STAU2: variants seen among roughly 807,000 people sequenced by gnomAD.
STAU2 encodes double-stranded RNA-binding protein Staufen homolog 2.
A neutral mutation model predicts 65.9 loss-of-function variants in STAU2; 20 were observed. That is an observed-to-expected ratio of 0.30 (90% CI 0.21 to 0.44). The LOEUF (loss-of-function observed/expected upper bound fraction) is 0.44. STAU2 is among the 20% of genes least tolerant of loss of function. The probability of loss-of-function intolerance (pLI) is 1.00; values close to 1 mark genes in which losing one functional copy is unlikely to be tolerated. For missense variants in STAU2, 558 were observed against 683.9 expected (o/e 0.82, Z 2.05); for synonymous variants, 232 against 233.9 (o/e 0.99, Z 0.07).
At chr8:73,568,608 CAA>C (rs11335188) in intron 12 of STAU2, among the ~76,000 whole-genome samples, 13 of 149,658 alleles carry the variant, frequency 8.7e-5, no homozygotes, top group Non-Finnish European at 8.9e-5. Flanking sequence ...GACCCTATCT[CAA>C]AAAAAAAAAG....
chr8:73,663,313 T>C (rs1003293821), intron 6 of STAU2, among the ~76,000 whole-genome samples: 13 of 152,168 alleles, frequency 8.5e-5, no homozygotes, highest in Non-Finnish European at 1.9e-4. Context: ...ATTTTTGATG[T>C]TTTTCCAACC....
intron 10 of STAU2, among the ~76,000 whole-genome samples, chr8:73,596,820 C>T (rs548138269): frequency 6.6e-6 from 1 of 151,618 alleles, no homozygotes; most frequent in African/African-American, 2.4e-5. Context: ...CCACACTGCA[C>T]CCTGGGCAAC....
At chr8:73,664,299 C>T (rs993208681) in intron 6 of STAU2, among the ~76,000 whole-genome samples, 2 of 152,194 alleles carry the variant, frequency 1.3e-5, no homozygotes, top group Non-Finnish European at 2.9e-5. Context: ...GCTGGGATTA[C>T]AGGCATGAGC....
chr8:73,608,931 C>T (rs1282702731), intron 9 of STAU2, among the ~76,000 whole-genome samples: 1 of 151,944 alleles, frequency 6.6e-6, no homozygotes, highest in South Asian at 2.1e-4. Context: ...TGAGCCGAGA[C>T]AGTGCCATTG....
intron 4 of STAU2, among the ~76,000 whole-genome samples, chr8:73,690,691 G>T (rs148078489): frequency 6.6e-6 from 1 of 152,044 alleles, no homozygotes; most frequent in Non-Finnish European, 1.5e-5. Context: ...ATAAATTAAC[G>T]ATCGGTGAAT....
Position 73,655,639 on chromosome 8 carries a change from CTTT to C in STAU2, c.410+17465_410+17467del, listed in dbSNP as rs71269930. Among the ~76,000 whole-genome samples the C allele has an allele frequency of 8.7e-4, 91 of 104,752 alleles. 1 individual carries two copies. The highest frequency in any genetic ancestry group is 2.4e-3 in the African/African-American group (61 of 25,246). The allele number at this position is 104,752 out of a possible 152,430, so 68.7% of individuals were successfully genotyped here. On this transcript the variant is annotated intron_variant, in intron 6 of 14. Coordinates refer to ENST00000524300, the MANE Select transcript of STAU2 (RefSeq NM_001164380.2). Reference sequence around the variant, plus strand: ...AACAAATATTATAATTTTAATACATCTTTTTTTTTTTTTTTTTTTTTTTTTTGG... The same window carrying C: ...AACAAATATTATAATTTTAATACATCTTTTTTTTTTTTTTTTTTTTTTTGG...
chr8:73,628,304 T>A (rs1237195111), intron 6 of STAU2, among the ~76,000 whole-genome samples: 2 of 152,006 alleles, frequency 1.3e-5, no homozygotes, highest in African/African-American at 4.8e-5. Context: ...ATTCCTGGGC[T>A]AAAGCAATCC....
Position 73,420,482 on chromosome 8 carries a change from T to C in STAU2, c.*890A>G. 3.7e-6 allele frequency: 1 copy of C among 269,628 alleles called. No individual in the cohort carries two copies. Among genetic ancestry groups the C allele is most frequent in the Non-Finnish European group, 7.5e-6 (1 of 132,608 alleles). 16.7% of individuals were successfully genotyped at this position (269,628 alleles called of 1,614,324 possible). On this transcript the variant is annotated 3_prime_UTR_variant, in exon 15 of 15. Coordinates refer to ENST00000524300, the MANE Select transcript of STAU2 (RefSeq NM_001164380.2). ...CTCCAACAGGTTTTTCCCTTCCCCGTCATGTACATTATTTATTTTTGATCC... is the reference window on the plus strand; with the variant it reads ...CTCCAACAGGTTTTTCCCTTCCCCGCCATGTACATTATTTATTTTTGATCC...
intron 10 of STAU2, among the ~76,000 whole-genome samples, chr8:73,601,913 G>A (rs920505586): frequency 1.3e-5 from 2 of 152,068 alleles, no homozygotes; most frequent in African/African-American, 4.8e-5. Context: ...ATATGTTCCA[G>A]AATTCTTCAA....
At chr8:73,424,365 T>TAA (rs1294792848) in intron 13 of STAU2, among the ~76,000 whole-genome samples, 1 of 151,914 alleles carries the variant, frequency 6.6e-6, no homozygotes, top group Non-Finnish European at 1.5e-5. Flanking sequence ...CACACCCAGC[T>TAA]AATTTTTGTA....
intron 13 of STAU2, among the ~76,000 whole-genome samples, chr8:73,513,882 G>A (rs1211957167): frequency 1.3e-5 from 2 of 152,152 alleles, no homozygotes; most frequent in Non-Finnish European, 2.9e-5. Flanking sequence ...GAACTATTGT[G>A]CTGAGTCTGC....
At chr8:73,665,477 G>C (rs941715626) in intron 6 of STAU2, among the ~76,000 whole-genome samples, 1 of 152,130 alleles carries the variant, frequency 6.6e-6, no homozygotes. Context: ...ATTTAATGTT[G>C]TATACTTGGA....
At chr8:73,680,246 A>G (rs1259851539) in intron 5 of STAU2, among the ~76,000 whole-genome samples, 1 of 152,016 alleles carries the variant, frequency 6.6e-6, no homozygotes, top group Non-Finnish European at 1.5e-5. Context: ...AAGGCCTGAA[A>G]GCCCTGCTTG....
intron 13 of STAU2, among the ~76,000 whole-genome samples, chr8:73,523,804 C>A (rs1823194503): frequency 6.6e-6 from 1 of 152,098 alleles, no homozygotes; most frequent in Admixed American, 6.6e-5. Context: ...TGGAGGGGGC[C>A]AAATCATAGG....
chr8:73,654,637 C>CAAAAAAAAAAAAAAAAAAAAAAAAAAA (rs71269928), intron 6 of STAU2, among the ~76,000 whole-genome samples: 6 of 26,306 alleles, frequency 2.3e-4, no homozygotes, highest in Non-Finnish European at 3.3e-4. Context: ...AAGATTGTCT[C>CAAAAAAAAAAAAAAAAAAAAAAAAAAA]AAAAAAAAAA....
At chr8:73,536,690 T>C (rs1322574039) in intron 13 of STAU2, among the ~76,000 whole-genome samples, 1 of 152,074 alleles carries the variant, frequency 6.6e-6, no homozygotes, top group Non-Finnish European at 1.5e-5. Context: ...AATAGAGGCA[T>C]GGTGGAAGGT....
At chr8:73,454,057 A>T (rs1818937733) in intron 13 of STAU2, among the ~76,000 whole-genome samples, 1 of 148,156 alleles carries the variant, frequency 6.7e-6, no homozygotes, top group Non-Finnish European at 1.5e-5. Context: ...TATATTTTTT[A>T]CAAAAAAAAA....
At chr8:73,681,347 T>C (rs1274373096) in intron 5 of STAU2, among the ~76,000 whole-genome samples, 1 of 152,210 alleles carries the variant, frequency 6.6e-6, no homozygotes, top group Non-Finnish European at 1.5e-5. Flanking sequence ...CAGTCAAGAA[T>C]TTTATGTCCA....
chr8:73,653,286 C>T (rs1314647012), intron 6 of STAU2: 1 of 152,108 alleles, frequency 6.6e-6, no homozygotes, highest in Non-Finnish European at 1.5e-5. Context: ...GATAATGAGT[C>T]AACAGCAAGG....
Sources: allele counts gnomAD v4.1 joint callset (sites outside exome capture counted in the v4.1 genomes callset), GRCh38; gene constraint gnomAD v4.1.1; transcripts MANE v1.5; gene names NCBI Gene and HGNC (gene_info 2026-07-23, HGNC 2026-07-21).